The following ZNF585B variants were observed in gnomAD, a reference collection of about 807,000 sequenced individuals.
ZNF585B encodes zinc finger protein 41-like protein.
A neutral mutation model predicts 14.0 loss-of-function variants in ZNF585B; 7 were observed. The observed-to-expected ratio is 0.50, with a 90% CI of 0.28 to 0.94. The LOEUF (loss-of-function observed/expected upper bound fraction) is 0.94. Ranked by LOEUF, ZNF585B falls within the 40% of genes least tolerant of loss-of-function variation. ZNF585B has a pLI of 0.09. For missense variants in ZNF585B, 750 were observed against 924.4 expected, an observed-to-expected ratio of 0.81 and a Z score of 2.45; for synonymous variants, 290 against 317.3, an observed-to-expected ratio of 0.91 and a Z score of 0.91.
intron 2 of ZNF585B, among the ~76,000 whole-genome samples, chr19:37,203,111 C>T (rs1030714494): frequency 6.6e-6 from 1 of 152,018 alleles, no homozygotes; most frequent in Non-Finnish European, 1.5e-5. Flanking sequence ...TTTTTATCAA[C>T]CATTTTTTGT....
chr19:37,204,245 C>A (rs1179854731), intron 2 of ZNF585B, among the ~76,000 whole-genome samples: 1 of 152,150 alleles, frequency 6.6e-6, no homozygotes, highest in Non-Finnish European at 1.5e-5. Context: ...TAAATTGCAG[C>A]CCTAGCTTTC....
chr19:37,199,396 G>A lies in ZNF585B; in HGVS notation c.72+7644C>T, dbSNP rs116733181. ...AAAATTTCGCCAGTTCTATTGGCGC[G>A]TACCTGTAGTCCCAGCTACTCGGCA... On this transcript the variant is annotated intron_variant, in intron 2 of 4. Coordinates refer to ENST00000532828, the MANE Select transcript of ZNF585B (RefSeq NM_152279.4). The A allele has an allele frequency of 2.7e-3, 1,112 of 411,402 alleles. 7 individuals are homozygous for A. Among genetic ancestry groups the A allele is most frequent in the Non-Finnish European group, 3.6e-3 (757 of 208,740 alleles). 25.5% of individuals were successfully genotyped at this position (411,402 alleles called of 1,614,324 possible).
Position 37,184,960 on chromosome 19 carries a change from C to T in ZNF585B, c.*267G>A, listed in dbSNP as rs1972315492. The T allele has an allele frequency of 2.1e-6, 1 of 466,280 alleles. No individual in the cohort carries two copies. Among genetic ancestry groups the T allele is most frequent in the African/African-American group, 2.0e-5 (1 of 50,848 alleles). The allele number at this position is 466,280 out of a possible 1,614,324, so 28.9% of individuals were successfully genotyped here. On this transcript the variant is annotated 3_prime_UTR_variant, in exon 5 of 5. Transcript: ENST00000532828. ...GGTAACAGTATTCTATTGTAGTTTTCATGAGAAGGCTTTTCCTATTCACCA... is the reference window on the plus strand; with the variant it reads ...GGTAACAGTATTCTATTGTAGTTTTTATGAGAAGGCTTTTCCTATTCACCA...
At chr19:37,194,107 T>C (rs780962205) in intron 2 of ZNF585B, among the ~76,000 whole-genome samples, 5 of 152,136 alleles carry the variant, frequency 3.3e-5, no homozygotes, top group Non-Finnish European at 7.4e-5. Flanking sequence ...TGGTTTCAGA[T>C]GAAATAAGAA....
chr19:37,200,365 T>C (rs1468722767), intron 2 of ZNF585B, among the ~76,000 whole-genome samples: 1 of 150,456 alleles, frequency 6.6e-6, no homozygotes, highest in Non-Finnish European at 1.5e-5. Context: ...GCCTGGCCAA[T>C]ATGGTGAAAT....
Position 37,187,099 on chromosome 19 carries a change from CT to C in ZNF585B, c.437del (p.Lys146ArgfsTer4), listed in dbSNP as rs1167672450. ...GKSFTWKSQF[K>X]VHLKVPTGEK... ...CTCCTGTAGGAACTTTCAGATGTAC[CT>C]TGAACTGTGACTTCCAGGTGAAGCT... On this transcript the variant is annotated frameshift_variant, in exon 5 of 5. Transcript: ENST00000532828. LOFTEE classifies it low-confidence loss of function (END_TRUNC). The C allele has an allele frequency of 6.2e-7, 1 of 1,614,068 alleles. No homozygotes were observed. The highest frequency in any genetic ancestry group is 2.2e-5 in the East Asian group (1 of 44,870).
chr19:37,189,146 C>T (rs1186453752), intron 4 of ZNF585B, among the ~76,000 whole-genome samples: 1 of 151,982 alleles, frequency 6.6e-6, no homozygotes, highest in Non-Finnish European at 1.5e-5. Context: ...CCATGTTGTC[C>T]AGGCTGGTTT....
chr19:37,194,641 T>G (rs1972440034), intron 2 of ZNF585B, among the ~76,000 whole-genome samples: 1 of 152,056 alleles, frequency 6.6e-6, no homozygotes, highest in South Asian at 2.1e-4. Context: ...CAAAGTATAC[T>G]AGGGACTTGA....
chr19:37,198,799 T>C (rs1369757903), intron 2 of ZNF585B: 1 of 279,248 alleles, frequency 3.6e-6, no homozygotes, highest in East Asian at 5.2e-5. Flanking sequence ...ATATTATTTA[T>C]TGTATAAAGA....
In ZNF585B at chr19:37,206,579, C is replaced by T. The variant is rs370728154; in HGVS notation, c.72+461G>A. 3.0e-4 allele frequency among the ~76,000 whole-genome samples: 46 copies of T among 151,988 alleles called. 1 individual carries two copies. In the South Asian group the frequency reaches 9.5e-3, roughly 32 times the overall value. ...TGGAAGGCAAAAGGTGTCAAAGTTACCCAGAATGGATAGCAGGAAATACAT... is the reference window on the plus strand; with the variant it reads ...TGGAAGGCAAAAGGTGTCAAAGTTATCCAGAATGGATAGCAGGAAATACAT... On this transcript the variant is annotated intron_variant, in intron 2 of 4. Coordinates refer to ENST00000532828, the MANE Select transcript of ZNF585B (RefSeq NM_152279.4).
intron 2 of ZNF585B, among the ~76,000 whole-genome samples, chr19:37,197,090 C>T (rs1972474405): frequency 6.6e-6 from 1 of 152,074 alleles, no homozygotes. Context: ...ATCAACTCAT[C>T]ATTTACATTA....
rs887307528 is a variant in ZNF585B at position 37,193,045 on chromosome 19, G to T, written c.73-2895C>A. On this transcript the variant is annotated intron_variant, in intron 2 of 4. Coordinates refer to ENST00000532828, the MANE Select transcript of ZNF585B (RefSeq NM_152279.4). ...GGCTACTTGGGAGACTGAGGCAAGCGAATCGCTTGAAGCCAGGAGGCAGAG... is the reference window on the plus strand; with the variant it reads ...GGCTACTTGGGAGACTGAGGCAAGCTAATCGCTTGAAGCCAGGAGGCAGAG... Among the ~76,000 whole-genome samples the T allele has an allele frequency of 8.6e-5, 13 of 151,832 alleles. No individual in the cohort carries two copies. In the East Asian group the frequency reaches 2.5e-3, roughly 30 times the overall value.
intron 2 of ZNF585B, among the ~76,000 whole-genome samples, chr19:37,197,184 A>G (rs1333194793): frequency 1.3e-5 from 2 of 151,334 alleles, no homozygotes; most frequent in Admixed American, 1.3e-4. Context: ...CCTGTGTCCA[A>G]GTGATCTCAT....
In ZNF585B at chr19:37,185,248, A is replaced by C. The variant is rs113621137; in HGVS notation, c.2289T>G (p.Val763=). ...TCTCTCAAGCGTGGCTGCTCTGATG[A>C]ACACTGAACACTGATTTCTGAACGA... ...KGFVQKSVFS[V]HQSSHA The change falls in exon 5 of 5, where the codon GTT becomes GTG. Residue 763 remains valine, a synonymous_variant. Transcript: ENST00000532828. The C allele has an allele frequency of 6.2e-7, 1 of 1,610,604 alleles. No individual in the cohort carries two copies. Among genetic ancestry groups the C allele is most frequent in the Non-Finnish European group, 8.5e-7 (1 of 1,177,286 alleles).
In ZNF585B at chr19:37,184,446, AAG is replaced by A. The variant is rs1491358310; in HGVS notation, c.*779_*780del. ...AGAAAGAAAAAGAAAGAAAGAAGGA[AAG>A]AAAGAAAGAAAGAAAGAAAGAAAGA... On this transcript the variant is annotated 3_prime_UTR_variant, in exon 5 of 5. Coordinates refer to ENST00000532828, the MANE Select transcript of ZNF585B (RefSeq NM_152279.4). 17 of 56,042 alleles carry A rather than the reference AAG, an allele frequency of 3.0e-4. 1 individual carries two copies. The highest frequency in any genetic ancestry group is 1.2e-3 in the East Asian group (2 of 1,644). The allele number at this position is 56,042 out of a possible 1,614,324, so 3.5% of individuals were successfully genotyped here. A position where few individuals can be genotyped will look rare whatever the true frequency, so the allele number is the denominator to read the frequency against.
intron 1 of ZNF585B, among the ~76,000 whole-genome samples, chr19:37,208,652 T>A (rs1263800979): frequency 2.0e-5 from 3 of 149,434 alleles, no homozygotes; most frequent in African/African-American, 7.4e-5. Flanking sequence ...AGGAAGCAAA[T>A]GGCAATTAAC....
chr19:37,198,907 TA>T, intron 2 of ZNF585B: 1 of 1,243,660 alleles, frequency 8.0e-7, no homozygotes, highest in Non-Finnish European at 1.1e-6. Flanking sequence ...TTATAATTTT[TA>T]ATATGTAAAA....
rs772636766 is a variant in ZNF585B at position 37,186,012 on chromosome 19, A to T, written c.1525T>A (p.Leu509Met). 4.3e-6 allele frequency: 7 copies of T among 1,614,060 alleles called. No individual in the cohort carries two copies. In the South Asian group the frequency reaches 5.5e-5, roughly 13 times the overall value. ...CGKAFTQRSD[L>M]ITHQRIHTGE... ...GTATGGATTCTCTGATGTGTAATCAAGTCTGACCTCTGGGTGAAGGCCTTT... is the reference window on the plus strand; with the variant it reads ...GTATGGATTCTCTGATGTGTAATCATGTCTGACCTCTGGGTGAAGGCCTTT... The change falls in exon 5 of 5, where the codon TTG becomes ATG. Residue 509 changes from leucine (L) to methionine (M), a missense_variant. Around this residue, in one of 2 missense-constraint regions of ZNF585B, gnomAD observed 233 missense variants for 354.1 expected, o/e 0.66. Coordinates refer to ENST00000532828, the MANE Select transcript of ZNF585B (RefSeq NM_152279.4).
At chr19:37,205,931 T>A (rs2145446656) in intron 2 of ZNF585B, among the ~76,000 whole-genome samples, 1 of 151,554 alleles carries the variant, frequency 6.6e-6, no homozygotes, top group Non-Finnish European at 1.5e-5. Flanking sequence ...AATACAAAAA[T>A]TAGCCAGGCG....
Sources: allele counts gnomAD v4.1 joint callset (sites outside exome capture counted in the v4.1 genomes callset), GRCh38; gene constraint gnomAD v4.1.1; regional missense constraint gnomAD v4.1.1; transcripts MANE v1.5; gene names NCBI Gene and HGNC (gene_info 2026-07-23, HGNC 2026-07-21).